STK24: variants seen among roughly 807,000 people sequenced by gnomAD.
STK24 encodes serine/threonine kinase 24, also known as serine/threonine-protein kinase 24.
A neutral mutation model predicts 55.6 loss-of-function variants in STK24; 21 were observed. The ratio of observed to expected loss-of-function variants is 0.38; its 90% confidence interval spans 0.27 to 0.54. The LOEUF (loss-of-function observed/expected upper bound fraction) is 0.54. STK24 is among the 20% of genes least tolerant of loss of function. The probability of loss-of-function intolerance (pLI) is 0.79; values close to 1 mark genes in which losing one functional copy is unlikely to be tolerated. For synonymous variants in STK24, 200 were observed against 215.2 expected (o/e 0.93, Z 0.62); for missense variants, 383 against 538.4 (o/e 0.71, Z 2.86).
At chr13:98,574,510 A>G (rs1352462765) in intron 1 of STK24, among the ~76,000 whole-genome samples, 1 of 152,248 alleles carries the variant, frequency 6.6e-6, no homozygotes, top group Non-Finnish European at 1.5e-5. Flanking sequence ...TTTGAAGTAG[A>G]AAATAAATGT....
intron 6 of STK24, 115 bp from the exon 7 acceptor site, chr13:98,463,951 C>A (rs1893824698): frequency 4.1e-6 from 5 of 1,219,918 alleles, no homozygotes; most frequent in Non-Finnish European, 5.8e-6. Flanking sequence ...TGGCTGGACT[C>A]TCTACTCCAC....
At chr13:98,559,911 G>C (rs1897376369) in intron 1 of STK24, among the ~76,000 whole-genome samples, 1 of 151,356 alleles carries the variant, frequency 6.6e-6, no homozygotes, top group African/African-American at 2.4e-5. Flanking sequence ...AGCCACTCGA[G>C]GCTGAGGCAG....
At chr13:98,466,142 T>C (rs1481932675) in intron 6 of STK24, among the ~76,000 whole-genome samples, 6 of 152,232 alleles carry the variant, frequency 3.9e-5, no homozygotes, top group African/African-American at 1.4e-4. Context: ...ATTCTTCAGA[T>C]TCAATGAAGT....
intron 1 of STK24, among the ~76,000 whole-genome samples, chr13:98,571,473 A>G (rs1436145440): frequency 2.6e-5 from 4 of 152,144 alleles, no homozygotes; most frequent in Non-Finnish European, 5.9e-5. Context: ...GTGACATGCT[A>G]TCAAGAATAC....
chr13:98,460,348 C>T (rs546368746), intron 9 of STK24, 24 bp downstream of exon 9: 123 of 1,609,726 alleles, frequency 7.6e-5, no homozygotes, highest in Admixed American at 5.2e-4. Context: ...CCTCCCACTC[C>T]GAAAAGGCCA....
chr13:98,501,585 A>G (rs545682953), intron 2 of STK24, among the ~76,000 whole-genome samples: 2 of 152,376 alleles, frequency 1.3e-5, no homozygotes, highest in South Asian at 4.1e-4. Flanking sequence ...TTGGCAGAAT[A>G]CAATTCAAGA....
intron 1 of STK24, among the ~76,000 whole-genome samples, chr13:98,538,222 CTTTTTTTTTTTT>C (rs55720452): frequency 4.4e-5 from 4 of 91,610 alleles, no homozygotes; most frequent in African/African-American, 1.2e-4. Flanking sequence ...TTGGTGCTTG[CTTTTTTTTTTTT>C]TTTTTTTTTG....
At chr13:98,533,916 T>C (rs1365682998) in intron 1 of STK24, among the ~76,000 whole-genome samples, 4 of 152,156 alleles carry the variant, frequency 2.6e-5, no homozygotes, top group South Asian at 2.1e-4. Context: ...CACAGCATAG[T>C]GTGTGCCAAG....
chr13:98,450,144 G>C lies in STK24; in HGVS notation c.*3029C>G, dbSNP rs1893117768. The stretch of plus-strand genomic sequence containing the variant: ...CAAGAAAATACTAGTGTGGGTAACA[G>C]TCCATCTGAGTGGAGTTTGAGACAC... On this transcript the variant is annotated 3_prime_UTR_variant, in exon 11 of 11. Coordinates refer to ENST00000539966, the MANE Select transcript of STK24 (RefSeq NM_001032296.4). 6.6e-6 allele frequency: 1 copy of C among 152,226 alleles called. No homozygotes were observed. Among genetic ancestry groups the C allele is most frequent in the Non-Finnish European group, 1.5e-5 (1 of 68,056 alleles). The allele number at this position is 152,226 out of a possible 1,614,324, so 9.4% of individuals were successfully genotyped here.
chr13:98,576,746 T>C lies in STK24; in HGVS notation c.41A>G (p.Gln14Arg). 1 of 1,457,188 alleles carries C rather than the reference T, an allele frequency of 6.9e-7. No homozygotes were observed. Among genetic ancestry groups the C allele is most frequent in the Admixed American group, 2.4e-5 (1 of 41,812 alleles). The allele number at this position is 1,457,188 out of a possible 1,614,324, so 90.3% of individuals were successfully genotyped here. ...SPVQSGLPGM[Q>R]NLKADPEELF... ...GCCCCGCGGCCCGCGCCCGCCTACC[T>C]GCATGCCGGGCAGGCCCGACTGCAC... Residue 14 changes from glutamine to arginine, a missense_variant and splice_region_variant, in exon 1 of 11, where the codon CAG becomes CGG. Physicochemically the swap from Gln to Arg is conservative, Grantham distance 43. Transcript: ENST00000539966.
At chr13:98,455,960 GTT>G (rs1229924088) in intron 10 of STK24, 8 of 152,416 alleles carry the variant, frequency 5.2e-5, no homozygotes, top group African/African-American at 1.9e-4. Context: ...AAATCAAAAA[GTT>G]TGTGTTCAGG....
At chr13:98,550,025 C>T (rs1450204953) in intron 1 of STK24, among the ~76,000 whole-genome samples, 1 of 152,226 alleles carries the variant, frequency 6.6e-6, no homozygotes, top group Non-Finnish European at 1.5e-5. Flanking sequence ...AATCTCACTT[C>T]CACAGGTGGG....
At chr13:98,467,666 T>C (rs1893973689) in intron 5 of STK24, among the ~76,000 whole-genome samples, 1 of 152,180 alleles carries the variant, frequency 6.6e-6, no homozygotes, top group South Asian at 2.1e-4. Flanking sequence ...AGAAGCCGTG[T>C]GGCCCCACTA....
At chr13:98,576,611 A>C (rs1325808243) in intron 1 of STK24, 134 bp downstream of exon 1, 1 of 649,644 alleles carries the variant, frequency 1.5e-6, no homozygotes, top group Non-Finnish European at 2.2e-6. Flanking sequence ...CCCCCGGCCG[A>C]GCCGGGCGCG....
Position 98,446,877 on chromosome 13 carries a change from C to G in STK24, c.*6296G>C. 2.5e-6 allele frequency: 4 copies of G among 1,573,494 alleles called. No individual in the cohort carries two copies. Among genetic ancestry groups the G allele is most frequent in the Non-Finnish European group, 3.5e-6 (4 of 1,148,176 alleles). On this transcript the variant is annotated 3_prime_UTR_variant, in exon 11 of 11. Transcript: ENST00000539966. ...GAAGAGGACCCCCTCTTCCAAACAT[C>G]AGGATTTCTCCCAAGTCAGCGAGTG...
At chr13:98,474,546 A>C (rs9645891) in intron 5 of STK24, among the ~76,000 whole-genome samples, 1 of 151,272 alleles carries the variant, frequency 6.6e-6, no homozygotes, top group African/African-American at 2.4e-5. Flanking sequence ...ACCCCCCTCC[A>C]AACCCGCTCC....
In STK24 at chr13:98,445,702, CT is replaced by C. The variant is rs544379437; in HGVS notation, c.*7470del. ...CCTCGGTGTCACAGGGCACACCCCT[CT>C]CCCCTCAAGGTGGCTCTTCTCCTCA... On this transcript the variant is annotated 3_prime_UTR_variant, in exon 11 of 11. Coordinates refer to ENST00000539966, the MANE Select transcript of STK24 (RefSeq NM_001032296.4). The C allele has an allele frequency of 5.4e-4, 85 of 157,588 alleles. 2 individuals are homozygous for C. The East Asian group carries it at 0.016, about 29-fold the overall frequency. 9.8% of individuals were successfully genotyped at this position (157,588 alleles called of 1,614,324 possible). A position where few individuals can be genotyped will look rare whatever the true frequency, so the allele number is the denominator to read the frequency against.
At chr13:98,484,276 T>G (rs1445433912) in intron 2 of STK24, among the ~76,000 whole-genome samples, 3 of 152,236 alleles carry the variant, frequency 2.0e-5, no homozygotes, top group Non-Finnish European at 4.4e-5. Flanking sequence ...TCTTTCTAGA[T>G]GGCAAAGGAA....
intron 1 of STK24, among the ~76,000 whole-genome samples, chr13:98,523,401 T>C (rs184491621): frequency 1.2e-4 from 19 of 152,362 alleles, no homozygotes; most frequent in African/African-American, 4.1e-4. Flanking sequence ...CCCACCTCTC[T>C]GGGTCCACAC....
Sources: allele counts gnomAD v4.1 joint callset (sites outside exome capture counted in the v4.1 genomes callset), GRCh38; gene constraint gnomAD v4.1.1; transcripts MANE v1.5; gene names NCBI Gene and HGNC (gene_info 2026-07-23, HGNC 2026-07-21).